The following LINGO2 variants were observed in gnomAD, a reference collection of about 807,000 sequenced individuals.
LINGO2 encodes the protein leucine rich repeat and Ig domain containing 2, also known as leucine-rich repeat and immunoglobulin-like domain-containing nogo receptor-interacting protein 2.
Under a neutral mutation model 30.6 loss-of-function variants are expected in LINGO2, and 14 were observed. The observed-to-expected ratio is 0.46, with a 90% confidence interval of 0.30 to 0.72. The LOEUF is 0.72. LINGO2 is among the 30% of genes least tolerant of loss of function. The pLI, the probability that LINGO2 is intolerant of heterozygous loss-of-function variation, is 0.07. For synonymous variants in LINGO2, 317 were observed against 288.5 expected, an observed-to-expected ratio of 1.10 and a Z score of -1.00; for missense variants, 729 against 751.7, an observed-to-expected ratio of 0.97 and a Z score of 0.35.
At chr9:28,429,133 A>G (rs1823539379) in intron 2 of LINGO2, among the ~76,000 whole-genome samples, 2 of 152,210 alleles carry the variant, frequency 1.3e-5, no homozygotes, top group African/African-American at 4.8e-5. Context: ...TAAATGTTTA[A>G]TGTTTGCTTA....
At chr9:28,117,913 TG>T (rs1826978933) in intron 4 of LINGO2, among the ~76,000 whole-genome samples, 2 of 152,026 alleles carry the variant, frequency 1.3e-5, no homozygotes, top group South Asian at 2.1e-4. Context: ...GCACAAGACA[TG>T]GGGGCAGCAA....
intron 1 of LINGO2, among the ~76,000 whole-genome samples, chr9:28,488,613 A>G (rs942752429): frequency 6.6e-6 from 1 of 152,174 alleles, no homozygotes; most frequent in Middle Eastern, 3.2e-3. Context: ...AAACAACAGC[A>G]CATATTTCAT....
At chr9:28,538,314 C>T (rs192841884) in intron 1 of LINGO2, among the ~76,000 whole-genome samples, 13 of 151,890 alleles carry the variant, frequency 8.6e-5, no homozygotes, top group South Asian at 2.1e-4. Flanking sequence ...TGAATTCTGA[C>T]GTCATAAATT....
intron 1 of LINGO2, among the ~76,000 whole-genome samples, chr9:28,480,982 C>G (rs942134422): frequency 3.3e-5 from 5 of 152,044 alleles, no homozygotes; most frequent in Admixed American, 2.6e-4. Flanking sequence ...CAATTTTGTT[C>G]CCAATTTCAC....
the LINGO2 span, among the ~76,000 whole-genome samples, chr9:28,920,884 A>C: frequency 2.4e-4 from 36 of 152,348 alleles, no homozygotes; most frequent in Admixed American, 5.2e-4. Flanking sequence ...TAACATTTCC[A>C]GATCTGCAAA....
the LINGO2 span, among the ~76,000 whole-genome samples, chr9:29,146,394 C>T: frequency 6.6e-6 from 1 of 151,906 alleles, no homozygotes; most frequent in Non-Finnish European, 1.5e-5. Flanking sequence ...CCAGCTAAGA[C>T]TTCTGTGGGC....
chr9:29,199,059 T>C, the LINGO2 span, among the ~76,000 whole-genome samples: 1 of 152,080 alleles, frequency 6.6e-6, no homozygotes, highest in Non-Finnish European at 1.5e-5. Flanking sequence ...TCAAGTATAA[T>C]GGTTGTTGCG....
At chr9:29,149,136 C>A in the LINGO2 span, among the ~76,000 whole-genome samples, 2 of 152,128 alleles carry the variant, frequency 1.3e-5, no homozygotes, top group Admixed American at 1.3e-4. Context: ...TTCACTAATA[C>A]AAGCACACTG....
At chr9:28,787,591 G>C in the LINGO2 span, among the ~76,000 whole-genome samples, 1 of 152,060 alleles carries the variant, frequency 6.6e-6, no homozygotes, top group African/African-American at 2.4e-5. Flanking sequence ...TTCCAACTAT[G>C]AGAAGGGAAA....
the LINGO2 span, among the ~76,000 whole-genome samples, chr9:29,049,225 C>A: frequency 6.6e-6 from 1 of 152,300 alleles, no homozygotes; most frequent in African/African-American, 2.4e-5. Context: ...GTGCTGACAT[C>A]ATTGGTCATT....
the LINGO2 span, among the ~76,000 whole-genome samples, chr9:28,984,117 C>G: frequency 6.6e-6 from 1 of 152,074 alleles, no homozygotes; most frequent in African/African-American, 2.4e-5. Flanking sequence ...CAAAGAATTT[C>G]TCAGTTATGT....
At chr9:28,891,947 C>T in the LINGO2 span, among the ~76,000 whole-genome samples, 29 of 151,928 alleles carry the variant, frequency 1.9e-4, no homozygotes, top group African/African-American at 5.3e-4. Flanking sequence ...AACACTCTAA[C>T]ATTATTCATG....
chr9:28,324,533 T>C (rs1825156418), intron 3 of LINGO2, among the ~76,000 whole-genome samples: 1 of 152,136 alleles, frequency 6.6e-6, no homozygotes. Context: ...TGGTAAAGAA[T>C]CTGCCAAAAC....
At chr9:28,956,104 C>T in the LINGO2 span, among the ~76,000 whole-genome samples, 2 of 151,976 alleles carry the variant, frequency 1.3e-5, no homozygotes, top group Non-Finnish European at 2.9e-5. Flanking sequence ...TTAGTGTTCA[C>T]ATTGTATAAA....
At position 28,280,531 on chromosome 9, in the gene LINGO2, G is replaced by A. The variant is rs910747510; in HGVS notation, c.-87+14677C>T. ...GATCATATGAAGATCATCTTTGTGT[G>A]ATTTCCTTTAGGTATAGCTACTTCC... On this transcript the variant is annotated intron_variant, in intron 4 of 5. Coordinates refer to ENST00000379992, the Ensembl canonical transcript of LINGO2. Among the ~76,000 whole-genome samples the A allele has an allele frequency of 2.8e-4, 43 of 152,136 alleles. 1 individual carries two copies. Among genetic ancestry groups the A allele is most frequent in the Non-Finnish European group, 1.5e-4 (10 of 68,008 alleles).
At chr9:28,645,892 G>A (rs1032557500) in intron 1 of LINGO2, among the ~76,000 whole-genome samples, 4 of 152,180 alleles carry the variant, frequency 2.6e-5, no homozygotes, top group African/African-American at 4.8e-5. Context: ...TTAGAGTACC[G>A]TGCTTTAGAG....
At chr9:28,352,999 A>G (rs931604454) in intron 3 of LINGO2, among the ~76,000 whole-genome samples, 4 of 150,114 alleles carry the variant, frequency 2.7e-5, no homozygotes, top group African/African-American at 9.8e-5. Context: ...ACAAAAATCA[A>G]TTCAAGATGG....
At chr9:28,839,663 G>A in the LINGO2 span, among the ~76,000 whole-genome samples, 1 of 152,246 alleles carries the variant, frequency 6.6e-6, no homozygotes, top group South Asian at 2.1e-4. Flanking sequence ...TCAGAGGGGA[G>A]GAAGTGTGTG....
chr9:28,071,449 A>T (rs750321676), intron 4 of LINGO2, among the ~76,000 whole-genome samples: 4 of 151,672 alleles, frequency 2.6e-5, no homozygotes, highest in Non-Finnish European at 5.9e-5. Flanking sequence ...GTACTTATTT[A>T]CTCTAGCCTA....
Sources: allele counts gnomAD v4.1 joint callset (sites outside exome capture counted in the v4.1 genomes callset), GRCh38; gene constraint gnomAD v4.1.1; transcripts MANE v1.5; gene names NCBI Gene and HGNC (gene_info 2026-07-23, HGNC 2026-07-21).